Variants in MICU2 observed in about 807,000 individuals in gnomAD.
MICU2 encodes the protein mitochondrial calcium uptake 2, also known as calcium uptake protein 2, mitochondrial.
MICU2 carries 64 observed loss-of-function variants against 60.4 expected under a neutral mutation model. The observed-to-expected ratio is 1.06, with a 90% CI of 0.87 to 1.31. The LOEUF is 1.31. MICU2 is among the 50% of genes most tolerant of loss of function. The pLI, the probability that MICU2 is intolerant of heterozygous loss-of-function variation, is 0.00. For synonymous variants in MICU2, 201 were observed against 175.0 expected (o/e 1.15, Z -1.17); for missense variants, 569 against 531.0 (o/e 1.07, Z -0.70).
intron 1 of MICU2, among the ~76,000 whole-genome samples, chr13:21,567,981 G>A (rs1888023320): frequency 1.3e-5 from 2 of 152,182 alleles, no homozygotes; most frequent in Admixed American, 6.5e-5. Flanking sequence ...GTCAATGCAC[G>A]AATCTTGATA....
chr13:21,518,458 T>C (rs1265932480), intron 6 of MICU2, among the ~76,000 whole-genome samples: 2 of 152,216 alleles, frequency 1.3e-5, no homozygotes, highest in Non-Finnish European at 2.9e-5. Context: ...ACTATTATTA[T>C]CAGGGGCTCC....
rs995256730 is a variant in MICU2 at position 21,535,580 on chromosome 13, T to C, written c.466+3722A>G. ...AACCTTACAAAATATTTATTAACTA[T>C]GATTTTAAAAATACCATTTATTTAC... On this transcript the variant is annotated intron_variant, in intron 4 of 11. Transcript: ENST00000382374. Among the ~76,000 whole-genome samples, 5 of 152,320 alleles carry C rather than the reference T, an allele frequency of 3.3e-5. No homozygotes were observed. In the South Asian group the frequency reaches 8.3e-4, roughly 25 times the overall value.
chr13:21,569,771 C>T (rs560195232), intron 1 of MICU2, among the ~76,000 whole-genome samples: 1 of 151,516 alleles, frequency 6.6e-6, no homozygotes, highest in Non-Finnish European at 1.5e-5. Flanking sequence ...TACTCAGTCT[C>T]CACAATGCCC....
intron 4 of MICU2, among the ~76,000 whole-genome samples, chr13:21,528,689 C>T (rs987554428): frequency 6.6e-6 from 1 of 152,176 alleles, no homozygotes; most frequent in African/African-American, 2.4e-5. Flanking sequence ...AAGAAAAGGG[C>T]CTTTTCCCTC....
chr13:21,507,943 T>C (rs1041860897), intron 8 of MICU2, among the ~76,000 whole-genome samples: 11 of 151,992 alleles, frequency 7.2e-5, no homozygotes, highest in South Asian at 2.1e-4. Context: ...TTTCTTTCTT[T>C]TTTTTGACAG....
intron 5 of MICU2, 23 bp downstream of exon 5, chr13:21,522,580 G>A (rs890909832): frequency 1.5e-5 from 23 of 1,568,946 alleles, no homozygotes; most frequent in Non-Finnish European, 2.0e-5. Flanking sequence ...CATGATCTCT[G>A]AGAAAAACTG....
intron 4 of MICU2, among the ~76,000 whole-genome samples, chr13:21,525,366 G>C (rs888756864): frequency 6.6e-5 from 10 of 151,374 alleles, no homozygotes; most frequent in African/African-American, 2.2e-4. Context: ...TTAATTTTTT[G>C]TATTTTTAGT....
chr13:21,603,293 G>A (rs938385705), intron 1 of MICU2, among the ~76,000 whole-genome samples: 18 of 152,132 alleles, frequency 1.2e-4, no homozygotes, highest in Non-Finnish European at 1.9e-4. Flanking sequence ...TTAATAGATG[G>A]AGGTTTTAGG....
At chr13:21,506,808 A>T (rs902768151) in intron 8 of MICU2, among the ~76,000 whole-genome samples, 7 of 152,160 alleles carry the variant, frequency 4.6e-5, no homozygotes, top group Non-Finnish European at 8.8e-5. Flanking sequence ...TCTTCTAGCG[A>T]TACCCTGTCA....
intron 8 of MICU2, among the ~76,000 whole-genome samples, chr13:21,509,496 A>G (rs948684309): frequency 6.6e-6 from 1 of 152,176 alleles, no homozygotes; most frequent in Non-Finnish European, 1.5e-5. Context: ...AGAGAATGAG[A>G]GACTACATGA....
intron 1 of MICU2, among the ~76,000 whole-genome samples, chr13:21,596,056 T>C (rs1011619132): frequency 1.3e-5 from 2 of 152,238 alleles, no homozygotes; most frequent in Non-Finnish European, 2.9e-5. Flanking sequence ...CTAGTAATAT[T>C]CAAAATCCTT....
chr13:21,594,752 A>G lies in MICU2; in HGVS notation c.210+9187T>C, dbSNP rs192413284. The stretch of plus-strand genomic sequence containing the variant: ...AGGGACATGGATGAAGCTGGAAGCC[A>G]TCATCCTCAGCAAACTAACACAGGA... On this transcript the variant is annotated intron_variant, in intron 1 of 11. Transcript: ENST00000382374. Among the ~76,000 whole-genome samples, 201 of 152,336 alleles carry G rather than the reference A, an allele frequency of 1.3e-3. 1 individual carries two copies. The highest frequency in any genetic ancestry group is 4.3e-3 in the African/African-American group (180 of 41,582).
intron 6 of MICU2, among the ~76,000 whole-genome samples, chr13:21,517,036 T>G (rs1886587695): frequency 6.6e-6 from 1 of 152,244 alleles, no homozygotes; most frequent in Admixed American, 6.5e-5. Context: ...TTCCTGGCTT[T>G]GATCACAGTT....
intron 1 of MICU2, among the ~76,000 whole-genome samples, chr13:21,586,596 A>G (rs1227372482): frequency 2.0e-5 from 3 of 151,976 alleles, no homozygotes; most frequent in African/African-American, 7.3e-5. Context: ...TTTTTTTGTA[A>G]AGATGAGATC....
intron 1 of MICU2, among the ~76,000 whole-genome samples, chr13:21,571,178 T>C (rs1458128176): frequency 1.3e-5 from 2 of 152,168 alleles, no homozygotes; most frequent in East Asian, 1.9e-4. Flanking sequence ...ATCTCTGTTA[T>C]CTCTTTTTCA....
intron 4 of MICU2, among the ~76,000 whole-genome samples, chr13:21,531,923 C>T (rs1459642263): frequency 6.6e-6 from 1 of 152,170 alleles, no homozygotes; most frequent in African/African-American, 2.4e-5. Flanking sequence ...CCTTATGGCA[C>T]AGAGGCAGCA....
chr13:21,564,540 G>C (rs539917180), intron 2 of MICU2, among the ~76,000 whole-genome samples: 3 of 152,088 alleles, frequency 2.0e-5, no homozygotes, highest in Non-Finnish European at 4.4e-5. Context: ...TCTTTCAGTC[G>C]GACTGTGTGA....
chr13:21,544,587 C>T (rs1407790362), intron 2 of MICU2, among the ~76,000 whole-genome samples: 5 of 147,474 alleles, frequency 3.4e-5, no homozygotes, highest in East Asian at 2.0e-4. Flanking sequence ...AATGAGGTAT[C>T]GTCTCATCCC....
chr13:21,595,826 T>A (rs941052894), intron 1 of MICU2, among the ~76,000 whole-genome samples: 8 of 152,252 alleles, frequency 5.3e-5, no homozygotes, highest in Admixed American at 2.6e-4. Context: ...ATACCTCTCC[T>A]AAGTCTTTAG....
Sources: gnomAD v4.1 joint callset for allele counts (sites outside exome capture counted in the v4.1 genomes callset) on GRCh38, gnomAD v4.1.1 for gene constraint, MANE v1.5 for transcripts, NCBI Gene and HGNC (gene_info 2026-07-23, HGNC 2026-07-21) for gene names.